DHX8: variants seen among roughly 807,000 people sequenced by gnomAD.
DHX8 encodes the protein DEAH-box helicase 8.
Under a neutral mutation model 140.7 loss-of-function variants are expected in DHX8, and 67 were observed. That is an observed-to-expected ratio of 0.48 (90% CI 0.39 to 0.58). The LOEUF (loss-of-function observed/expected upper bound fraction) is 0.58. Ranked by LOEUF, DHX8 falls within the 20% of genes least tolerant of loss-of-function variation. The pLI is 0.00. For missense variants in DHX8, 887 were observed against 1,550.7 expected, an observed-to-expected ratio of 0.57 and a Z score of 7.19; for synonymous variants, 533 against 553.2, an observed-to-expected ratio of 0.96 and a Z score of 0.51.
At chr17:43,533,377 G>T (rs1057303024) in intron 2 of DHX8, 1 of 1,595,710 alleles carries the variant, frequency 6.3e-7, no homozygotes, top group African/African-American at 1.3e-5. Flanking sequence ...CAGGGGTGAG[G>T]GGGCAGAGAA....
intron 3 of DHX8, among the ~76,000 whole-genome samples, chr17:43,543,545 G>A (rs1971636896): frequency 2.0e-5 from 3 of 152,252 alleles, no homozygotes; most frequent in South Asian, 4.2e-4. Flanking sequence ...ATGAAGCCCG[G>A]TGAGCCAGAG....
intron 3 of DHX8, among the ~76,000 whole-genome samples, chr17:43,490,836 T>C (rs1968474074): frequency 6.6e-6 from 1 of 152,084 alleles, no homozygotes; most frequent in Admixed American, 6.5e-5. Flanking sequence ...GTTGCACCAA[T>C]GTACTTTAGC....
chr17:43,533,208 TG>T, intron 2 of DHX8: 1 of 1,613,052 alleles, frequency 6.2e-7, no homozygotes, highest in Non-Finnish European at 8.5e-7. Flanking sequence ...GAGGTACCCA[TG>T]GCCAGGGTGG....
chr17:43,510,112 G>T (rs913463339), intron 16 of DHX8, among the ~76,000 whole-genome samples: 5 of 151,536 alleles, frequency 3.3e-5, no homozygotes, highest in African/African-American at 1.2e-4. Context: ...GCAATGGTGC[G>T]ATCTTGGCTC....
chr17:43,491,786 A>C (rs987919321), intron 4 of DHX8, among the ~76,000 whole-genome samples: 1 of 152,118 alleles, frequency 6.6e-6, no homozygotes, highest in Non-Finnish European at 1.5e-5. Context: ...ACAAATAGGT[A>C]TGTAACATAG....
At chr17:43,519,943 G>A in intron 18 of DHX8, 187 bp from the exon 19 acceptor site, 1 of 581,302 alleles carries the variant, frequency 1.7e-6, no homozygotes, top group Non-Finnish European at 3.0e-6. Context: ...TCTGTCTCAA[G>A]TATGTGCTTT....
rs757809674 is a variant in DHX8, at chr17:43,500,155, A to C, written c.1546+52A>C. 11 of 1,587,838 alleles carry C rather than the reference A, an allele frequency of 6.9e-6. No homozygotes were observed. In the African/African-American group the frequency reaches 8.1e-5, roughly 12 times the overall value. On this transcript the variant is annotated intron_variant, in intron 11 of 22. Coordinates refer to ENST00000262415, the MANE Select transcript of DHX8 (RefSeq NM_004941.3). Reference sequence around the variant, plus strand: ...CCTTGTTTAAAAATCTGAGCCTTTCAGAACACAGGGAGGGGTCACTCCCGG... The same window carrying C: ...CCTTGTTTAAAAATCTGAGCCTTTCCGAACACAGGGAGGGGTCACTCCCGG...
intron 20 of DHX8, 39 bp downstream of exon 20, chr17:43,520,918 G>A (rs1165425439): frequency 6.5e-7 from 1 of 1,532,138 alleles, no homozygotes; most frequent in South Asian, 1.2e-5. Context: ...GGGGTGCCAT[G>A]AAGTTGGGGT....
chr17:43,485,314 G>A (rs1009234247), intron 1 of DHX8, among the ~76,000 whole-genome samples: 1 of 152,146 alleles, frequency 6.6e-6, no homozygotes, highest in African/African-American at 2.4e-5. Context: ...AGGGGTTAGG[G>A]AAGTTAGACG....
chr17:43,511,368 T>A (rs1008290722), intron 16 of DHX8, among the ~76,000 whole-genome samples: 1 of 151,598 alleles, frequency 6.6e-6, no homozygotes. Context: ...TTTTCACTTT[T>A]GGGCTTTCTT....
chr17:43,488,677 A>G (rs373325604), intron 1 of DHX8, among the ~76,000 whole-genome samples: 2 of 151,866 alleles, frequency 1.3e-5, no homozygotes, highest in South Asian at 2.1e-4. Flanking sequence ...TCTTTCATCA[A>G]TGTGGAGATT....
At chr17:43,494,973 G>T (rs1006313868) in intron 8 of DHX8, among the ~76,000 whole-genome samples, 3 of 141,366 alleles carry the variant, frequency 2.1e-5, no homozygotes, top group Non-Finnish European at 4.8e-5. Context: ...CACCACGCCC[G>T]GCTAATTTTT....
At chr17:43,504,614 C>G in intron 11 of DHX8, 30 bp from the exon 12 acceptor site, 1 of 1,580,714 alleles carries the variant, frequency 6.3e-7, no homozygotes, top group East Asian at 2.3e-5. Flanking sequence ...AGCTTGAGGA[C>G]AATACTAAGT....
In DHX8 at chr17:43,524,708, A is replaced by G. The variant is rs1970545852; in HGVS notation, c.*861A>G. 1.0e-6 allele frequency: 1 copy of G among 985,400 alleles called. No homozygotes were observed. Among genetic ancestry groups the G allele is most frequent in the African/African-American group, 1.7e-5 (1 of 57,350 alleles). 61.0% of individuals were successfully genotyped at this position (985,400 alleles called of 1,614,324 possible). ...TCCTTTTGAAACATACTAAGTAACA[A>G]CACAGCTTTTATTTTATTTTGTTTT... On this transcript the variant is annotated 3_prime_UTR_variant, in exon 23 of 23. Transcript: ENST00000262415.
At chr17:43,506,969 T>C (rs1260579863) in intron 12 of DHX8, 34 bp from the exon 13 acceptor site, 21 of 1,503,312 alleles carry the variant, frequency 1.4e-5, no homozygotes, top group Non-Finnish European at 1.9e-5. Context: ...TCTGGCAGAT[T>C]TTAATGACCA....
rs771984401 is a variant in DHX8 at position 43,504,695 on chromosome 17, A to G, written c.1598A>G (p.Asn533Ser). Residue 533 changes from asparagine (N) to serine (S), a missense_variant, in exon 12 of 23, where the codon AAT becomes AGT. Coordinates refer to ENST00000262415, the MANE Select transcript of DHX8 (RefSeq NM_004941.3). ...ANMRGIGMMPNDIPEWKKHAF... is the reference protein window; with the variant it reads ...ANMRGIGMMPSDIPEWKKHAF... ...ATGAGGGGTATTGGGATGATGCCCA[A>G]TGATATTCCTGAGTGGAAGAAGCAT... 31 of 1,614,052 alleles carry G rather than the reference A, an allele frequency of 1.9e-5. No individual in the cohort carries two copies. Among genetic ancestry groups the G allele is most frequent in the African/African-American group, 9.3e-5 (7 of 74,922 alleles).
intron 18 of DHX8, 86 bp downstream of exon 18, chr17:43,517,408 T>C: frequency 6.9e-7 from 1 of 1,441,224 alleles, no homozygotes; most frequent in African/African-American, 1.4e-5. Flanking sequence ...ATGAACCTTG[T>C]TAAATACTTT....
At chr17:43,530,831 C>G (rs572359406), downstream of DHX8, among the ~76,000 whole-genome samples, 17 of 152,256 alleles carry the variant, frequency 1.1e-4, no homozygotes, top group South Asian at 1.2e-3. Context: ...CGCCCTCCCC[C>G]CACTGCACTC....
intron 1 of DHX8, among the ~76,000 whole-genome samples, chr17:43,487,546 GT>G (rs1249748506): frequency 6.6e-6 from 1 of 152,196 alleles, no homozygotes; most frequent in Non-Finnish European, 1.5e-5. Context: ...TAGAGATGGT[GT>G]TTTGCCATGT....
Sources: gnomAD v4.1 joint callset for allele counts (sites outside exome capture counted in the v4.1 genomes callset) on GRCh38, gnomAD v4.1.1 for gene constraint, MANE v1.5 for transcripts, NCBI Gene and HGNC (gene_info 2026-07-23, HGNC 2026-07-21) for gene names.